The following SHISA9 variants were observed in gnomAD, a reference collection of about 807,000 sequenced individuals.
SHISA9 encodes the protein protein shisa-9.
A neutral mutation model predicts 38.0 loss-of-function variants in SHISA9; 13 were observed. The ratio of observed to expected loss-of-function variants is 0.34; its 90% CI spans 0.22 to 0.54. SHISA9 has a LOEUF of 0.54. Ranked by LOEUF, SHISA9 falls within the 20% of genes least tolerant of loss-of-function variation. The probability of loss-of-function intolerance (pLI) is 0.91; values close to 1 mark genes in which losing one functional copy is unlikely to be tolerated. For synonymous variants in SHISA9, 275 were observed against 242.0 expected (o/e 1.14, Z -1.27); for missense variants, 538 against 575.8 (o/e 0.93, Z 0.67).
chr16:13,299,733 A>AT, the SHISA9 span, among the ~76,000 whole-genome samples: 1 of 151,694 alleles, frequency 6.6e-6, no homozygotes, highest in African/African-American at 2.4e-5. Context: ...AACAAAAAAA[A>AT]CCCGACAATT....
At chr16:13,476,761 T>C in the SHISA9 span, among the ~76,000 whole-genome samples, 45 of 130,436 alleles carry the variant, frequency 3.4e-4, no homozygotes, top group African/African-American at 1.3e-3. Flanking sequence ...TTTTTTTTTT[T>C]TTTTTGAGAC....
chr16:13,485,027 T>A, the SHISA9 span, among the ~76,000 whole-genome samples: 1 of 143,588 alleles, frequency 7.0e-6, no homozygotes, highest in East Asian at 2.0e-4. Flanking sequence ...AAGCCTCTTG[T>A]TCTTTTTTTT....
At chr16:12,914,792 T>C (rs971736562) in intron 1 of SHISA9, among the ~76,000 whole-genome samples, 1 of 152,196 alleles carries the variant, frequency 6.6e-6, no homozygotes, top group Non-Finnish European at 1.5e-5. Context: ...GTGTAGCAGA[T>C]TCTTGCAGGT....
intron 2 of SHISA9, among the ~76,000 whole-genome samples, chr16:13,028,593 A>G (rs561519457): frequency 3.3e-5 from 5 of 152,292 alleles, no homozygotes; most frequent in African/African-American, 7.2e-5. Context: ...TGATTCAATT[A>G]TCTCCTACCG....
chr16:13,178,136 CACAG>C (rs1428648416), intron 2 of SHISA9, among the ~76,000 whole-genome samples: 1 of 152,118 alleles, frequency 6.6e-6, no homozygotes, highest in Non-Finnish European at 1.5e-5. Context: ...CACTTGTGGG[CACAG>C]ACAAAGGAGC....
intron 2 of SHISA9, among the ~76,000 whole-genome samples, chr16:13,077,837 T>A (rs541258584): frequency 2.2e-4 from 33 of 152,316 alleles, no homozygotes; most frequent in African/African-American, 7.9e-4. Flanking sequence ...TTTGGATTAA[T>A]TGGGGGCAGA....
At chr16:13,264,034 T>C in the SHISA9 span, among the ~76,000 whole-genome samples, 1 of 152,208 alleles carries the variant, frequency 6.6e-6, no homozygotes, top group African/African-American at 2.4e-5. Flanking sequence ...TAAACACTGA[T>C]ATGACTACTT....
chr16:13,110,000 C>G (rs2073962155), intron 2 of SHISA9, among the ~76,000 whole-genome samples: 2 of 152,110 alleles, frequency 1.3e-5, no homozygotes, highest in African/African-American at 2.4e-5. Flanking sequence ...GTTTTCATTT[C>G]TTTTGAGTAG....
the SHISA9 span, among the ~76,000 whole-genome samples, chr16:13,467,491 T>C: frequency 8.3e-3 from 1,258 of 152,306 alleles, 17 homozygotes; most frequent in African/African-American, 0.029. Context: ...CTTCAGGGCT[T>C]GGACTGAGCC....
chr16:13,312,825 A>T, the SHISA9 span, among the ~76,000 whole-genome samples: 2 of 152,206 alleles, frequency 1.3e-5, no homozygotes, highest in Non-Finnish European at 2.9e-5. Flanking sequence ...CTTCTAGAGA[A>T]AGCACTAATG....
chr16:13,287,470 A>C, the SHISA9 span, among the ~76,000 whole-genome samples: 108 of 152,348 alleles, frequency 7.1e-4, no homozygotes, highest in African/African-American at 2.6e-3. Flanking sequence ...AATCAGGTAA[A>C]GATCACTGGC....
intron 2 of SHISA9, among the ~76,000 whole-genome samples, chr16:13,110,241 C>T (rs900836439): frequency 2.6e-5 from 4 of 152,138 alleles, no homozygotes; most frequent in Non-Finnish European, 2.9e-5. Flanking sequence ...GGAGCATTTC[C>T]GCCTACTAGT....
intron 2 of SHISA9, among the ~76,000 whole-genome samples, chr16:13,053,416 C>T (rs958665326): frequency 6.6e-6 from 1 of 152,326 alleles, no homozygotes; most frequent in African/African-American, 2.4e-5. Flanking sequence ...ATAGCCAAAG[C>T]CTCCAACAGG....
At chr16:13,178,853 T>C (rs921550330) in intron 2 of SHISA9, among the ~76,000 whole-genome samples, 3 of 152,158 alleles carry the variant, frequency 2.0e-5, no homozygotes, top group Non-Finnish European at 4.4e-5. Context: ...TTGTTGTTGT[T>C]GTTGTTGTTG....
the SHISA9 span, among the ~76,000 whole-genome samples, chr16:13,492,816 A>C: frequency 6.6e-6 from 1 of 152,238 alleles, no homozygotes; most frequent in East Asian, 1.9e-4. Flanking sequence ...TGAGATTTGA[A>C]TGACAAGAAA....
At chr16:13,157,741 C>T (rs1377027794) in intron 2 of SHISA9, among the ~76,000 whole-genome samples, 2 of 152,202 alleles carry the variant, frequency 1.3e-5, no homozygotes, top group Non-Finnish European at 1.5e-5. Flanking sequence ...TCCTCCCTGC[C>T]TGTTCCCAAG....
At chr16:13,463,500 GC>G in the SHISA9 span, among the ~76,000 whole-genome samples, 701 of 152,326 alleles carry the variant, frequency 4.6e-3, 5 homozygotes, top group Middle Eastern at 6.8e-3. Flanking sequence ...CTTCTCAGTT[GC>G]AGAAATGAAG....
intron 2 of SHISA9, among the ~76,000 whole-genome samples, chr16:13,074,297 T>A (rs2073555192): frequency 1.3e-5 from 2 of 151,970 alleles, no homozygotes; most frequent in Admixed American, 1.3e-4. Flanking sequence ...GCACACAGTT[T>A]GTAGAAATTT....
chr16:13,106,242 G>T (rs951215702), intron 2 of SHISA9, among the ~76,000 whole-genome samples: 30 of 152,098 alleles, frequency 2.0e-4, no homozygotes, highest in African/African-American at 7.2e-4. Context: ...ATTGTATGCT[G>T]GTACATCTGC....
Sources: gnomAD v4.1 joint callset for allele counts (sites outside exome capture counted in the v4.1 genomes callset) on GRCh38, gnomAD v4.1.1 for gene constraint, MANE v1.5 for transcripts, NCBI Gene and HGNC (gene_info 2026-07-23, HGNC 2026-07-21) for gene names.